CBL: variants seen among roughly 807,000 people sequenced by gnomAD.
CBL encodes the protein Cbl proto-oncogene.
CBL carries 45 observed loss-of-function variants against 96.9 expected under a neutral mutation model. The ratio of observed to expected loss-of-function variants is 0.46; its 90% confidence interval spans 0.37 to 0.60. The LOEUF is 0.60. CBL is among the 20% of genes least tolerant of loss of function. The pLI, the probability that CBL is intolerant of heterozygous loss-of-function variation, is 0.00. For synonymous variants in CBL, 420 were observed against 426.8 expected, an observed-to-expected ratio of 0.98 and a Z score of 0.20; for missense variants, 1,024 against 1,143.5, an observed-to-expected ratio of 0.90 and a Z score of 1.51.
Position 119,298,451 on chromosome 11 carries a change from C to T in CBL, c.2345C>T (p.Pro782Leu), listed in dbSNP as rs2229073. 936 of 1,614,116 alleles carry T rather than the reference C, an allele frequency of 5.8e-4. 6 individuals are homozygous for T. The African/African-American group carries it at 7.8e-3, about 13-fold the overall frequency. The change falls in exon 15 of 16, where the codon CCG (proline) becomes CTG (leucine). Residue 782 changes from proline to leucine, a missense_variant. This residue lies in a region of CBL where 695 missense variants were observed against 661.6 expected (regional missense o/e 1.05). Transcript: ENST00000264033. ...TATGATGTCCCAAAGCCACCTGTGCCGGCCGTGCTGGCCCGCCGAACTCTC... is the reference window on the plus strand; with the variant it reads ...TATGATGTCCCAAAGCCACCTGTGCTGGCCGTGCTGGCCCGCCGAACTCTC... ...DGYDVPKPPV[P>L]AVLARRTLSD... is the part of the protein sequence containing the mutation.
intron 2 of CBL, among the ~76,000 whole-genome samples, chr11:119,251,463 G>C (rs1949669368): frequency 6.6e-6 from 1 of 152,146 alleles, no homozygotes; most frequent in Non-Finnish European, 1.5e-5. Context: ...AATGGTGACT[G>C]TTTCATTTCA....
At position 119,299,922 on chromosome 11, in the gene CBL, C is replaced by T. The variant is rs1565273130; in HGVS notation, c.*141C>T. 2 of 824,392 alleles carry T rather than the reference C, an allele frequency of 2.4e-6. No homozygotes were observed. The highest frequency in any genetic ancestry group is 3.4e-5 in the African/African-American group (2 of 59,374). 51.1% of individuals were successfully genotyped at this position (824,392 alleles called of 1,614,324 possible). On this transcript the variant is annotated 3_prime_UTR_variant, in exon 16 of 16. Coordinates refer to ENST00000264033, the MANE Select transcript of CBL (RefSeq NM_005188.4). ...CTGTGGGATATCACATCAGTGGTTC[C>T]AAGATTTCAAAGTGGTGAAATGAAA...
chr11:119,294,124 GAATTAT>G (rs1194529351), intron 12 of CBL, among the ~76,000 whole-genome samples: 1 of 152,128 alleles, frequency 6.6e-6, no homozygotes, highest in African/African-American at 2.4e-5. Flanking sequence ...TATTAACAGA[GAATTAT>G]AATTAAAATT....
chr11:119,259,022 T>A (rs1288406634), intron 2 of CBL, among the ~76,000 whole-genome samples: 3 of 152,174 alleles, frequency 2.0e-5, no homozygotes, highest in Non-Finnish European at 2.9e-5. Context: ...CCTAGGTTTT[T>A]ATGTGTTGTT....
chr11:119,213,165 C>T (rs185024605), intron 1 of CBL, among the ~76,000 whole-genome samples: 34 of 152,162 alleles, frequency 2.2e-4, no homozygotes, highest in African/African-American at 6.7e-4. Flanking sequence ...ACTTTTCCTG[C>T]CTTACCCTAT....
At chr11:119,215,440 T>TG (rs929887835) in intron 1 of CBL, among the ~76,000 whole-genome samples, 20 of 151,798 alleles carry the variant, frequency 1.3e-4, no homozygotes, top group African/African-American at 4.1e-4. Context: ...TTTTTTTTTT[T>TG]TTTTTGAGGT....
intron 9 of CBL, among the ~76,000 whole-genome samples, chr11:119,282,108 C>CCAGAGAATGGCTTGAACCT (rs1949939963): frequency 5.3e-5 from 8 of 151,380 alleles, no homozygotes; most frequent in African/African-American, 1.7e-4. Flanking sequence ...GAGGCCGAAG[C>CCAGAGAATGGCTTGAACCT]GGGCAGATCA....
At chr11:119,238,562 G>T (rs1949562402) in intron 2 of CBL, among the ~76,000 whole-genome samples, 1 of 151,834 alleles carries the variant, frequency 6.6e-6, no homozygotes, top group Admixed American at 6.6e-5. Context: ...GGGTGTGGTG[G>T]TTCACACCTG....
intron 1 of CBL, among the ~76,000 whole-genome samples, chr11:119,212,871 A>G (rs1017381764): frequency 6.7e-4 from 101 of 151,510 alleles, no homozygotes; most frequent in African/African-American, 2.3e-3. Context: ...TTAGCTGAGC[A>G]TGATGGCGGG....
chr11:119,289,496 C>T (rs1316040816), intron 12 of CBL: 2 of 151,886 alleles, frequency 1.3e-5, no homozygotes, highest in African/African-American at 2.4e-5. Context: ...GGCTACATCA[C>T]CTGTCTTTTA....
chr11:119,306,477 C>T lies in CBL; in HGVS notation c.*6696C>T, dbSNP rs1214168622. 3 of 397,384 alleles carry T rather than the reference C, an allele frequency of 7.5e-6. No homozygotes were observed. The highest frequency in any genetic ancestry group is 1.4e-4 in the South Asian group (1 of 7,322). 24.6% of individuals were successfully genotyped at this position (397,384 alleles called of 1,614,324 possible). On this transcript the variant is annotated 3_prime_UTR_variant, in exon 16 of 16. Coordinates refer to ENST00000264033, the MANE Select transcript of CBL (RefSeq NM_005188.4). Reference sequence around the variant, plus strand: ...GGCCAGAGAGGAGTATTGCTCAATGCGTGCTATGTGCAACTCCTCAGGCCT... The same window carrying T: ...GGCCAGAGAGGAGTATTGCTCAATGTGTGCTATGTGCAACTCCTCAGGCCT...
intron 1 of CBL, among the ~76,000 whole-genome samples, chr11:119,214,204 A>G (rs10790287): frequency 0.59 from 89,693 of 151,510 alleles, 27,393 homozygotes; most frequent in East Asian, 0.88. Flanking sequence ...TGGCCTCCCA[A>G]AGTGCTGGGA....
chr11:119,216,840 C>T (rs1949365353), intron 1 of CBL, among the ~76,000 whole-genome samples: 2 of 152,086 alleles, frequency 1.3e-5, no homozygotes, highest in Non-Finnish European at 2.9e-5. Flanking sequence ...GTTTGGGGTC[C>T]ATTCCCTCCC....
intron 12 of CBL, among the ~76,000 whole-genome samples, chr11:119,291,050 C>A (rs1331930417): frequency 6.6e-6 from 1 of 152,126 alleles, no homozygotes; most frequent in Admixed American, 6.6e-5. Flanking sequence ...CTTTTGGCTT[C>A]CATTGTTTCT....
rs2135299019 is a variant in CBL, at chr11:119,273,978, A to T, written c.701A>T (p.Asp234Val). The T allele has an allele frequency of 1.2e-6, 2 of 1,613,632 alleles. No homozygotes were observed. Among genetic ancestry groups the T allele is most frequent in the Non-Finnish European group, 1.7e-6 (2 of 1,179,864 alleles). Residue 234 changes from aspartate to valine, a missense_variant, in exon 4 of 16, where the codon GAT becomes GTT. This residue lies in a region of CBL where 192 missense variants were observed against 321.8 expected (regional missense o/e 0.60). Transcript: ENST00000264033. ...TCCACTATTGATCTGACCTGCAATG[A>T]TTATATTTCGGTTTTTGAATTTGAC... Reference protein sequence around the residue: ...LKSTIDLTCNDYISVFEFDIF... With the variant: ...LKSTIDLTCNVYISVFEFDIF...
chr11:119,260,939 CTTT>C (rs35248070), intron 2 of CBL, among the ~76,000 whole-genome samples: 68 of 89,904 alleles, frequency 7.6e-4, no homozygotes, highest in African/African-American at 2.5e-3. Context: ...TAAATCTCTA[CTTT>C]TTTTTTTTTT....
chr11:119,306,109 A>G lies in CBL; in HGVS notation c.*6328A>G, dbSNP rs1591275142. On this transcript the variant is annotated 3_prime_UTR_variant, in exon 16 of 16. Coordinates refer to ENST00000264033, the MANE Select transcript of CBL (RefSeq NM_005188.4). ...TTCTGGAAAGTAGCAAAAGAGTAGG[A>G]GATGGGGAAATAGGGATGGGGAGAG... 4 of 395,808 alleles carry G rather than the reference A, an allele frequency of 1.0e-5. No homozygotes were observed. In the East Asian group the frequency reaches 1.1e-4, roughly 11 times the overall value. 24.5% of individuals were successfully genotyped at this position (395,808 alleles called of 1,614,324 possible). A position where few individuals can be genotyped will look rare whatever the true frequency, so the allele number is the denominator to read the frequency against.
chr11:119,268,480 A>G (rs971803176), intron 2 of CBL, among the ~76,000 whole-genome samples: 1 of 152,216 alleles, frequency 6.6e-6, no homozygotes, highest in Non-Finnish European at 1.5e-5. Context: ...ATGAAGAAAG[A>G]GCAGATTTAA....
At chr11:119,240,463 G>A (rs773089990) in intron 2 of CBL, among the ~76,000 whole-genome samples, 5 of 152,118 alleles carry the variant, frequency 3.3e-5, no homozygotes, top group Non-Finnish European at 7.3e-5. Flanking sequence ...AGATTAATGC[G>A]TAAATTGCAG....
Sources: allele counts gnomAD v4.1 joint callset (sites outside exome capture counted in the v4.1 genomes callset), GRCh38; gene constraint gnomAD v4.1.1; regional missense constraint gnomAD v4.1.1; transcripts MANE v1.5; gene names NCBI Gene and HGNC (gene_info 2026-07-23, HGNC 2026-07-21).